EPB41: variants seen among roughly 807,000 people sequenced by gnomAD.
The protein encoded by EPB41 is erythrocyte membrane protein band 4.1.
Under a neutral mutation model 108.0 loss-of-function variants are expected in EPB41, and 65 were observed. That is an observed-to-expected ratio of 0.60 (90% CI 0.49 to 0.74). EPB41 has a LOEUF of 0.74. Ranked by LOEUF, EPB41 falls within the 30% of genes least tolerant of loss-of-function variation. The pLI is 0.00. For missense variants in EPB41, 875 were observed against 1,037.0 expected (o/e 0.84, Z 2.15); for synonymous variants, 336 against 358.9 (o/e 0.94, Z 0.72).
At chr1:28,961,116 C>T (rs1178665630) in intron 1 of EPB41, among the ~76,000 whole-genome samples, 1 of 151,142 alleles carries the variant, frequency 6.6e-6, no homozygotes, top group African/African-American at 2.4e-5. Context: ...TTTCTTTACT[C>T]ATTGTATGTA....
intron 1 of EPB41, among the ~76,000 whole-genome samples, chr1:28,963,981 CCTT>C (rs1218606841): frequency 2.6e-5 from 4 of 152,290 alleles, no homozygotes; most frequent in South Asian, 2.1e-4. Flanking sequence ...CTTCTTGAAT[CCTT>C]CTCCTTTTCT....
In EPB41 at chr1:29,039,393, G is replaced by T; in HGVS notation, c.1603G>T (p.Ala535Ser). The change falls in exon 11 of 21, where the codon GCA becomes TCA. Residue 535 changes from alanine (A) to serine (S), a missense_variant. By Grantham distance (99) the Ala-to-Ser change is moderately conservative. Transcript: ENST00000343067. ...DRPAPHFERTASKRASRSLDG... is the reference protein window; with the variant it reads ...DRPAPHFERTSSKRASRSLDG... ...GCCTGCCCCACACTTCGAGCGTACA[G>T]CAAGTAAACGGGCGTCCCGGAGCCT... 6.2e-7 allele frequency: 1 copy of T among 1,614,120 alleles called. No homozygotes were observed. Among genetic ancestry groups the T allele is most frequent in the Non-Finnish European group, 8.5e-7 (1 of 1,180,034 alleles).
chr1:28,940,041 C>T (rs1288768746), intron 1 of EPB41, among the ~76,000 whole-genome samples: 1 of 152,098 alleles, frequency 6.6e-6, no homozygotes, highest in Non-Finnish European at 1.5e-5. Flanking sequence ...GGTGCCTCAA[C>T]TTGGATGCTT....
chr1:29,027,595 T>G (rs1276348864), intron 7 of EPB41, among the ~76,000 whole-genome samples: 1 of 151,930 alleles, frequency 6.6e-6, no homozygotes, highest in African/African-American at 2.4e-5. Flanking sequence ...CCTCCCAAAG[T>G]GCTGGGATTA....
intron 10 of EPB41, 90 bp from the exon 11 acceptor site, chr1:29,039,164 T>G: frequency 1.4e-6 from 2 of 1,415,442 alleles, no homozygotes; most frequent in Non-Finnish European, 9.7e-7. Flanking sequence ...ATTGTGAAAC[T>G]TTTTTATTCT....
chr1:28,975,524 T>C (rs189281048), intron 1 of EPB41, among the ~76,000 whole-genome samples: 1 of 152,290 alleles, frequency 6.6e-6, no homozygotes, highest in Non-Finnish European at 1.5e-5. Context: ...CTCTTCTGCC[T>C]CCACTTTATC....
chr1:29,114,565 C>T (rs1364010058), intron 19 of EPB41, among the ~76,000 whole-genome samples: 1 of 148,184 alleles, frequency 6.7e-6, no homozygotes, highest in Non-Finnish European at 1.5e-5. Flanking sequence ...ATCGCTTGAA[C>T]CCAGGAGGCA....
At chr1:28,988,272 G>T (rs115832458) in intron 2 of EPB41, among the ~76,000 whole-genome samples, 1 of 151,990 alleles carries the variant, frequency 6.6e-6, no homozygotes, top group Non-Finnish European at 1.5e-5. Flanking sequence ...ACAACGGGGG[G>T]ATAAAAAAAG....
At chr1:29,094,210 T>C (rs1315562498) in intron 16 of EPB41, among the ~76,000 whole-genome samples, 1 of 152,194 alleles carries the variant, frequency 6.6e-6, no homozygotes, top group Non-Finnish European at 1.5e-5. Flanking sequence ...CTGTTTCATA[T>C]GTCCATTTTC....
intron 4 of EPB41, among the ~76,000 whole-genome samples, chr1:29,008,985 C>G (rs942094623): frequency 7.2e-5 from 11 of 152,202 alleles, no homozygotes; most frequent in African/African-American, 2.7e-4. Flanking sequence ...TGGTGCATGT[C>G]CTCTGTGCTC....
chr1:29,038,267 CCTT>C (rs1205374840), intron 10 of EPB41, among the ~76,000 whole-genome samples: 1 of 152,130 alleles, frequency 6.6e-6, no homozygotes, highest in Non-Finnish European at 1.5e-5. Flanking sequence ...CATCATCTCT[CCTT>C]CTTTAAAATC....
At chr1:29,116,672 A>AG (rs1287964296) in intron 20 of EPB41, 147 bp from the exon 21 acceptor site, 1 of 152,298 alleles carries the variant, frequency 6.6e-6, no homozygotes, top group East Asian at 1.9e-4. Flanking sequence ...AAAGACTTGA[A>AG]GAAGCCACCA....
intron 1 of EPB41, among the ~76,000 whole-genome samples, chr1:28,940,417 C>T (rs531492384): frequency 3.3e-5 from 5 of 151,876 alleles, no homozygotes; most frequent in South Asian, 2.1e-4. Flanking sequence ...TTTGGGAGGC[C>T]GAGGTGGGCG....
upstream of EPB41, among the ~76,000 whole-genome samples, chr1:28,911,956 GCT>G (rs2092281699): frequency 6.6e-6 from 1 of 152,112 alleles, no homozygotes; most frequent in Non-Finnish European, 1.5e-5. Flanking sequence ...CAGGAGAATC[GCT>G]TGAACCTGGG....
chr1:28,890,549 T>C (rs1363595538), intron 1 of EPB41, among the ~76,000 whole-genome samples: 1 of 152,080 alleles, frequency 6.6e-6, no homozygotes, highest in Non-Finnish European at 1.5e-5. Flanking sequence ...CGTGAGGGGA[T>C]AGGATGGAGC....
intron 17 of EPB41, among the ~76,000 whole-genome samples, chr1:29,098,848 G>A (rs1664203970): frequency 6.6e-6 from 1 of 151,858 alleles, no homozygotes; most frequent in Admixed American, 6.6e-5. Context: ...CTGGGTTCAA[G>A]TGATTCTCCT....
rs1406740983 is a variant in EPB41, at chr1:28,902,217, A to T, written c.-8+15007A>T. ...CTTTCCATTTGTCAGATCATACTTTAGCTGGGTCAACCCTGAGGCTCTTTT... is the reference window on the plus strand; with the variant it reads ...CTTTCCATTTGTCAGATCATACTTTTGCTGGGTCAACCCTGAGGCTCTTTT... On this transcript the variant is annotated intron_variant, in intron 1 of 16. Coordinates refer to the EPB41 transcript ENST00000347529. 3 of 985,268 alleles carry T rather than the reference A, an allele frequency of 3.0e-6. No individual in the cohort carries two copies. In the African/African-American group the frequency reaches 5.2e-5, roughly 17 times the overall value. 61.0% of individuals were successfully genotyped at this position (985,268 alleles called of 1,614,324 possible).
intron 17 of EPB41, among the ~76,000 whole-genome samples, chr1:29,107,874 CA>C (rs1667739125): frequency 9.8e-6 from 1 of 102,554 alleles, no homozygotes; most frequent in Non-Finnish European, 2.1e-5. Flanking sequence ...AAAAAAAATA[CA>C]AAAATTAGCC....
chr1:28,966,281 T>G (rs1409033741), intron 1 of EPB41, among the ~76,000 whole-genome samples: 2 of 152,220 alleles, frequency 1.3e-5, no homozygotes, highest in Non-Finnish European at 2.9e-5. Flanking sequence ...TAAGTAAGCA[T>G]TTTGTATTCC....
Sources: gnomAD v4.1 joint callset for allele counts (sites outside exome capture counted in the v4.1 genomes callset) on GRCh38, gnomAD v4.1.1 for gene constraint, MANE v1.5 for transcripts, NCBI Gene and HGNC (gene_info 2026-07-23, HGNC 2026-07-21) for gene names.